Variants in TENM3 observed in about 807,000 individuals in gnomAD.
The protein encoded by TENM3 is teneurin transmembrane protein 3, also known as teneurin-3.
In TENM3, 63 loss-of-function variants were observed where a neutral mutation model predicts 255.1. The observed-to-expected ratio is 0.25, with a 90% CI of 0.20 to 0.30. TENM3 has a LOEUF of 0.30. Among genes scored for constraint, TENM3 ranks in the 10% least tolerant of loss-of-function variants. TENM3 has a pLI of 1.00. For missense variants in TENM3, 2,929 were observed against 3,461.1 expected, an observed-to-expected ratio of 0.85 and a Z score of 3.86; for synonymous variants, 1,306 against 1,322.3, an observed-to-expected ratio of 0.99 and a Z score of 0.27.
chr4:181,500,467 G>T, the TENM3 span, among the ~76,000 whole-genome samples: 2 of 152,138 alleles, frequency 1.3e-5, no homozygotes, highest in African/African-American at 4.8e-5. Flanking sequence ...TGTGGCTATG[G>T]ATGAAAAGAC....
chr4:181,536,480 T>C, the TENM3 span, among the ~76,000 whole-genome samples: 1 of 152,206 alleles, frequency 6.6e-6, no homozygotes, highest in Non-Finnish European at 1.5e-5. Flanking sequence ...TACACACATA[T>C]ATGTTAGAGT....
the TENM3 span, among the ~76,000 whole-genome samples, chr4:181,535,382 C>T: frequency 6.6e-6 from 1 of 152,204 alleles, no homozygotes; most frequent in Non-Finnish European, 1.5e-5. Flanking sequence ...ATTCTCTTGT[C>T]CCAGTTGAGA....
Position 182,161,830 on chromosome 4 carries a change from TATATATGTGTATATATACACAA to T in TENM3, c.-76+17083_-76+17104del, listed in dbSNP as rs1751313100. Among the ~76,000 whole-genome samples the T allele has an allele frequency of 1.5e-4, 2 of 13,398 alleles. 1 individual carries two copies. The allele number at this position is 13,398 out of a possible 152,430, so 8.8% of individuals were successfully genotyped here. A position where few individuals can be genotyped will look rare whatever the true frequency, so the allele number is the denominator to read the frequency against. On this transcript the variant is annotated intron_variant, in intron 1 of 2. Transcript: ENST00000512480. ...ACATATATATGTATATATATACACA[TATATATGTGTATATATACACAA>T]ATATATATGTGTATATATGTGTATA...
At chr4:182,445,984 A>G (rs979333560) in intron 3 of TENM3, among the ~76,000 whole-genome samples, 2 of 152,036 alleles carry the variant, frequency 1.3e-5, no homozygotes, top group Non-Finnish European at 2.9e-5. Flanking sequence ...TCTCTGTGGA[A>G]CTCTTTGGTG....
chr4:181,941,243 C>T, the TENM3 span, among the ~76,000 whole-genome samples: 1 of 152,126 alleles, frequency 6.6e-6, no homozygotes, highest in African/African-American at 2.4e-5. Flanking sequence ...GAAATACCCA[C>T]AGTCCTTATC....
chr4:182,421,458 A>G (rs1413018341), intron 3 of TENM3, among the ~76,000 whole-genome samples: 1 of 152,220 alleles, frequency 6.6e-6, no homozygotes, highest in Non-Finnish European at 1.5e-5. Context: ...GAAAGATGAA[A>G]TAAATGAGTT....
rs73009429 is a variant in TENM3 at position 182,329,915 on chromosome 4, C to A, written c.232+5663C>A. Among the ~76,000 whole-genome samples the A allele has an allele frequency of 3.6e-3, 552 of 152,178 alleles. 3 individuals are homozygous for A. Among genetic ancestry groups the A allele is most frequent in the African/African-American group, 0.013 (532 of 41,534 alleles). ...AACTGAGGCACATTCTAGAAAAATT[C>A]TTTAACTTCAAGGATAAAGAGCGTT... On this transcript the variant is annotated intron_variant, in intron 2 of 27. Coordinates refer to ENST00000511685, the MANE Select transcript of TENM3 (RefSeq NM_001080477.4).
chr4:182,449,010 C>T (rs928590854), intron 3 of TENM3: 170 of 389,604 alleles, frequency 4.4e-4, no homozygotes, highest in Non-Finnish European at 1.6e-4. Flanking sequence ...TAACACGATA[C>T]GCTCCAGACC....
the TENM3 span, among the ~76,000 whole-genome samples, chr4:181,467,336 T>G: frequency 6.6e-6 from 1 of 150,726 alleles, no homozygotes; most frequent in Admixed American, 6.6e-5. Context: ...GGTTTCGCCA[T>G]GTTGCCCAGG....
At chr4:181,732,376 T>G in the TENM3 span, among the ~76,000 whole-genome samples, 49 of 152,196 alleles carry the variant, frequency 3.2e-4, no homozygotes, top group Non-Finnish European at 6.6e-4. Flanking sequence ...CTCAGGTTAT[T>G]TTAATTTCAT....
At chr4:182,273,229 G>A (rs1759762540) in intron 1 of TENM3, among the ~76,000 whole-genome samples, 1 of 152,234 alleles carries the variant, frequency 6.6e-6, no homozygotes. Context: ...CCTGGGAGAG[G>A]GAGGTGCTGT....
At chr4:181,620,272 A>AAAAATAAAAT in the TENM3 span, among the ~76,000 whole-genome samples, 2 of 108,992 alleles carry the variant, frequency 1.8e-5, no homozygotes, top group African/African-American at 5.4e-5. Flanking sequence ...AAATAAAAAT[A>AAAAATAAAAT]AAAATAAAAT....
At position 182,528,999 on chromosome 4, in the gene TENM3, G is replaced by A. The variant is rs111290057; in HGVS notation, c.512-71925G>A. Among the ~76,000 whole-genome samples, 13 of 152,284 alleles carry A rather than the reference G, an allele frequency of 8.5e-5. 1 individual carries two copies. The highest frequency in any genetic ancestry group is 2.4e-4 in the African/African-American group (10 of 41,564). On this transcript the variant is annotated intron_variant, in intron 3 of 27. Coordinates refer to ENST00000511685, the MANE Select transcript of TENM3 (RefSeq NM_001080477.4). The stretch of plus-strand genomic sequence containing the variant: ...TACCTTAAGTACTTAACGCATGATC[G>A]TTCTCTGCTTACCTGTGTCAACGTT...
At chr4:182,225,278 C>G (rs1756081996) in intron 1 of TENM3, among the ~76,000 whole-genome samples, 1 of 152,100 alleles carries the variant, frequency 6.6e-6, no homozygotes, top group African/African-American at 2.4e-5. Context: ...GTTTCACAGT[C>G]ATCCCTGAGA....
chr4:182,514,353 C>T (rs766519164), intron 3 of TENM3, among the ~76,000 whole-genome samples: 3 of 152,078 alleles, frequency 2.0e-5, no homozygotes, highest in Non-Finnish European at 2.9e-5. Flanking sequence ...TCTAGCTTGA[C>T]AGTATTAACT....
chr4:181,910,594 A>G, the TENM3 span, among the ~76,000 whole-genome samples: 51,464 of 140,728 alleles, frequency 0.37, 9,846 homozygotes, highest in Middle Eastern at 0.47. Context: ...GTATTTGTAT[A>G]TATATATATA....
chr4:181,831,499 C>CAAAAAAA, the TENM3 span, among the ~76,000 whole-genome samples: 14 of 144,310 alleles, frequency 9.7e-5, no homozygotes, highest in Middle Eastern at 3.6e-3. Context: ...GCCTATGTGC[C>CAAAAAAA]AAAAAAAAAA....
chr4:181,839,632 C>T, the TENM3 span, among the ~76,000 whole-genome samples: 1 of 150,806 alleles, frequency 6.6e-6, no homozygotes, highest in Non-Finnish European at 1.5e-5. Context: ...CATCTCAATA[C>T]TTTAAAAAAA....
At chr4:181,549,393 C>T in the TENM3 span, among the ~76,000 whole-genome samples, 1 of 152,162 alleles carries the variant, frequency 6.6e-6, no homozygotes, top group Admixed American at 6.5e-5. Context: ...CTCGGTAGTA[C>T]TTTTCCCTGC....
Sources: gnomAD v4.1 joint callset for allele counts (sites outside exome capture counted in the v4.1 genomes callset) on GRCh38, gnomAD v4.1.1 for gene constraint, MANE v1.5 for transcripts, NCBI Gene and HGNC (gene_info 2026-07-23, HGNC 2026-07-21) for gene names.